The following SVOPL variants were observed in gnomAD, a reference collection of about 807,000 sequenced individuals.
The protein encoded by SVOPL is putative transporter SVOPL.
SVOPL carries 60 observed loss-of-function variants against 61.0 expected under a neutral mutation model. The observed-to-expected ratio is 0.98, with a 90% CI of 0.80 to 1.22. The LOEUF is 1.22. SVOPL is among the 50% of genes most tolerant of loss of function. The pLI is 0.00. For missense variants in SVOPL, 662 were observed against 643.9 expected, an observed-to-expected ratio of 1.03 and a Z score of -0.30; for synonymous variants, 279 against 250.0, an observed-to-expected ratio of 1.12 and a Z score of -1.09.
chr7:138,672,001 C>G lies in SVOPL; in HGVS notation c.273+18G>C. ...GCCCTCAGTTGCTGTGTTCACGGCA[C>G]AGGGAGCAGGTACTTACCGTGGTTA... On this transcript the variant is annotated intron_variant, in intron 4 of 15. Coordinates refer to ENST00000674285, the MANE Select transcript of SVOPL (RefSeq NM_001139456.2). The G allele has an allele frequency of 9.0e-6, 14 of 1,550,748 alleles. No homozygotes were observed. Among genetic ancestry groups the G allele is most frequent in the Non-Finnish European group, 1.2e-5 (14 of 1,146,200 alleles).
chr7:138,622,148 ATGTATCTATCTG>A (rs1799658997), intron 13 of SVOPL, among the ~76,000 whole-genome samples: 10 of 129,006 alleles, frequency 7.8e-5, no homozygotes, highest in African/African-American at 1.3e-4. Flanking sequence ...GTATCTATCT[ATGTATCTATCTG>A]TCTATGTATC....
chr7:138,652,891 G>A (rs1188385224), intron 7 of SVOPL, among the ~76,000 whole-genome samples: 5 of 152,212 alleles, frequency 3.3e-5, no homozygotes, highest in Admixed American at 3.3e-4. Flanking sequence ...CTCCCAAAGT[G>A]CTGGGATTAC....
At chr7:138,619,535 G>A (rs1446013393) in intron 14 of SVOPL, among the ~76,000 whole-genome samples, 1 of 147,144 alleles carries the variant, frequency 6.8e-6, no homozygotes, top group African/African-American at 2.5e-5. Flanking sequence ...TAAGACAGGT[G>A]GGGATTAGCT....
At chr7:138,643,941 C>G (rs887956555) in intron 9 of SVOPL, among the ~76,000 whole-genome samples, 1 of 151,946 alleles carries the variant, frequency 6.6e-6, no homozygotes. Flanking sequence ...AATTTAGACA[C>G]GCCTATAATC....
At chr7:138,615,993 T>C (rs1799282378) in intron 14 of SVOPL, among the ~76,000 whole-genome samples, 1 of 146,114 alleles carries the variant, frequency 6.8e-6, no homozygotes, top group South Asian at 2.2e-4. Flanking sequence ...AATTTTTAAA[T>C]AAAATAAAAA....
At chr7:138,695,265 A>C (rs779942033) in intron 1 of SVOPL, among the ~76,000 whole-genome samples, 1 of 152,188 alleles carries the variant, frequency 6.6e-6, no homozygotes, top group Non-Finnish European at 1.5e-5. Context: ...TATTCCCAGC[A>C]CTTTGGAAAG....
At chr7:138,691,032 C>T (rs6467789) in intron 1 of SVOPL, among the ~76,000 whole-genome samples, 17,146 of 152,202 alleles carry the variant, frequency 0.11, 1,178 homozygotes, top group East Asian at 0.27. Flanking sequence ...GCCTTGGCCT[C>T]CCAAAGTGCT....
chr7:138,688,785 G>T (rs561057875), intron 1 of SVOPL, among the ~76,000 whole-genome samples: 5 of 152,150 alleles, frequency 3.3e-5, no homozygotes, highest in African/African-American at 1.2e-4. Context: ...TCCACTCCTA[G>T]GTATAACCTC....
intron 1 of SVOPL, among the ~76,000 whole-genome samples, chr7:138,691,384 T>A (rs1255624415): frequency 6.6e-6 from 1 of 152,186 alleles, no homozygotes; most frequent in Non-Finnish European, 1.5e-5. Flanking sequence ...CTCAGACCCA[T>A]CTAAACGTAT....
At chr7:138,661,855 C>A (rs746969454) in intron 5 of SVOPL, 5 of 984,798 alleles carry the variant, frequency 5.1e-6, no homozygotes, top group Non-Finnish European at 6.0e-6. Flanking sequence ...AAACTCCCTA[C>A]TTATATTAAT....
intron 15 of SVOPL, among the ~76,000 whole-genome samples, chr7:138,595,131 G>A (rs1261740331): frequency 6.6e-6 from 1 of 152,112 alleles, no homozygotes; most frequent in Middle Eastern, 3.2e-3. Context: ...TAGAGTAGTT[G>A]TAACACAGAA....
At chr7:138,691,790 C>G (rs1802949701) in intron 1 of SVOPL, among the ~76,000 whole-genome samples, 1 of 152,046 alleles carries the variant, frequency 6.6e-6, no homozygotes, top group South Asian at 2.1e-4. Flanking sequence ...ATCCACCCAC[C>G]TCGGCCTCCC....
At position 138,633,890 on chromosome 7, in the gene SVOPL, C is replaced by T. The variant is rs776951106; in HGVS notation, c.790-3768G>A. On this transcript the variant is annotated intron_variant, in intron 9 of 15. Coordinates refer to ENST00000674285, the MANE Select transcript of SVOPL (RefSeq NM_001139456.2). ...GTCCTCGGCAACAAATCAGGAACAC[C>T]CAGGGAAGCCCACCTCTTGCCTGTG... is the stretch of plus-strand genomic sequence containing the variant. 2.6e-5 allele frequency among the ~76,000 whole-genome samples: 4 copies of T among 152,124 alleles called. No individual in the cohort carries two copies. In the South Asian group the frequency reaches 6.2e-4, roughly 24 times the overall value.
intron 7 of SVOPL, among the ~76,000 whole-genome samples, chr7:138,650,714 G>A (rs1392250168): frequency 7.7e-6 from 1 of 130,642 alleles, no homozygotes; most frequent in African/African-American, 3.0e-5. Context: ...TTAGGAGGCT[G>A]AGGTGGAAGG....
chr7:138,615,239 T>G (rs1799236988), intron 14 of SVOPL, among the ~76,000 whole-genome samples: 2 of 151,962 alleles, frequency 1.3e-5, no homozygotes, highest in Non-Finnish European at 2.9e-5. Context: ...GGAGCACTCA[T>G]GAATGGAATT....
chr7:138,654,868 CTTT>C lies in SVOPL; in HGVS notation c.534+1577_534+1579del, dbSNP rs34598728. On this transcript the variant is annotated intron_variant, in intron 7 of 15. Coordinates refer to ENST00000674285, the MANE Select transcript of SVOPL (RefSeq NM_001139456.2). ...ACATTTTCACTTCCTGTTTCACTTCCTTTTTTTTTTTTTTTTTAAAAAAAAAAA... is the reference window on the plus strand; with the variant it reads ...ACATTTTCACTTCCTGTTTCACTTCCTTTTTTTTTTTTTTAAAAAAAAAAA... Among the ~76,000 whole-genome samples the C allele has an allele frequency of 6.1e-3, 830 of 135,262 alleles. 15 individuals carry two copies. In the South Asian group the frequency reaches 0.063, roughly 10 times the overall value. 88.7% of individuals were successfully genotyped at this position (135,262 alleles called of 152,430 possible).
chr7:138,680,832 G>A (rs979127553), intron 1 of SVOPL, among the ~76,000 whole-genome samples: 17 of 152,102 alleles, frequency 1.1e-4, no homozygotes, highest in Admixed American at 1.1e-3. Context: ...GCCCGCATCG[G>A]CCTCCCAAAG....
At chr7:138,685,372 A>C (rs1563138225) in intron 1 of SVOPL, among the ~76,000 whole-genome samples, 1 of 152,224 alleles carries the variant, frequency 6.6e-6, no homozygotes, top group Non-Finnish European at 1.5e-5. Context: ...TTACATGACG[A>C]ATCTAGAATA....
At chr7:138,660,427 T>G (rs1271468375) in intron 5 of SVOPL, 1 of 986,932 alleles carries the variant, frequency 1.0e-6, no homozygotes, top group African/African-American at 1.7e-5. Flanking sequence ...ATTAAGAAAT[T>G]GAAATCACCA....
Sources: gnomAD v4.1 joint callset for allele counts (sites outside exome capture counted in the v4.1 genomes callset) on GRCh38, gnomAD v4.1.1 for gene constraint, MANE v1.5 for transcripts, NCBI Gene and HGNC (gene_info 2026-07-23, HGNC 2026-07-21) for gene names.